Variants in STK32B observed in about 807,000 individuals in gnomAD.
The protein encoded by STK32B is serine/threonine kinase 32B.
STK32B carries 43 observed loss-of-function variants against 52.6 expected under a neutral mutation model. The observed-to-expected ratio is 0.82, with a 90% CI of 0.64 to 1.05. The LOEUF is 1.05. Among genes scored for constraint, STK32B ranks in the 50% least tolerant of loss-of-function variants. STK32B has a pLI of 0.00. For synonymous variants in STK32B, 238 were observed against 204.3 expected, an observed-to-expected ratio of 1.17 and a Z score of -1.41; for missense variants, 621 against 534.6, an observed-to-expected ratio of 1.16 and a Z score of -1.59.
At chr4:5,246,002 A>T (rs1050157330) in intron 3 of STK32B, among the ~76,000 whole-genome samples, 3 of 152,172 alleles carry the variant, frequency 2.0e-5, no homozygotes, top group African/African-American at 7.2e-5. Context: ...GGCTGCCCTT[A>T]ACACTTTTTC....
upstream of STK32B, among the ~76,000 whole-genome samples, chr4:5,049,061 C>T (rs1346919302): frequency 6.6e-6 from 1 of 152,230 alleles, no homozygotes; most frequent in Non-Finnish European, 1.5e-5. Context: ...GAACATCTCC[C>T]AGCATCTGCA....
chr4:5,137,961 C>T (rs6446325), intron 1 of STK32B, among the ~76,000 whole-genome samples: 29,771 of 152,068 alleles, frequency 0.2, 4,582 homozygotes, highest in African/African-American at 0.43. Context: ...TTTGAGGACC[C>T]GACAGTGGTA....
chr4:5,123,147 C>A (rs1392380763), intron 1 of STK32B, among the ~76,000 whole-genome samples: 1 of 152,160 alleles, frequency 6.6e-6, no homozygotes, highest in Admixed American at 6.5e-5. Context: ...CTCCCTGAGG[C>A]CTTGCTGTCC....
chr4:5,202,544 CT>C (rs1181660531), intron 3 of STK32B, among the ~76,000 whole-genome samples: 14 of 152,370 alleles, frequency 9.2e-5, no homozygotes, highest in Non-Finnish European at 2.1e-4. Context: ...CATGTTTCTT[CT>C]CTGCATTGAT....
At chr4:5,343,984 C>A (rs937358814) in intron 4 of STK32B, among the ~76,000 whole-genome samples, 7 of 152,150 alleles carry the variant, frequency 4.6e-5, no homozygotes, top group Non-Finnish European at 8.8e-5. Flanking sequence ...AGCTATGATT[C>A]ATAGGAAAAT....
At chr4:5,200,195 G>A (rs2108774648) in intron 3 of STK32B, among the ~76,000 whole-genome samples, 2 of 151,468 alleles carry the variant, frequency 1.3e-5, no homozygotes, top group Admixed American at 1.3e-4. Flanking sequence ...CTCTTAACAG[G>A]TTGAAGTATC....
At chr4:5,023,253 T>G in the STK32B span, among the ~76,000 whole-genome samples, 1 of 152,132 alleles carries the variant, frequency 6.6e-6, no homozygotes, top group Non-Finnish European at 1.5e-5. Context: ...GTCCCTCGGT[T>G]TGTGGTGATT....
intron 1 of STK32B, among the ~76,000 whole-genome samples, chr4:5,094,816 G>A (rs1239005195): frequency 3.3e-5 from 5 of 152,096 alleles, no homozygotes; most frequent in Non-Finnish European, 5.9e-5. Context: ...GGGAGTCGGC[G>A]CCCCTAACTC....
At chr4:5,097,116 G>A (rs147701449) in intron 1 of STK32B, among the ~76,000 whole-genome samples, 7 of 152,296 alleles carry the variant, frequency 4.6e-5, no homozygotes, top group East Asian at 1.9e-4. Context: ...CTTTATGAAC[G>A]TGAAAAGTTG....
intron 6 of STK32B, among the ~76,000 whole-genome samples, chr4:5,422,831 A>G (rs1487873276): frequency 4.6e-5 from 7 of 152,102 alleles, no homozygotes; most frequent in Non-Finnish European, 1.0e-4. Context: ...ATCTTTTTGG[A>G]CAGTTTTAAG....
At chr4:5,193,276 G>A (rs1721377026) in intron 3 of STK32B, among the ~76,000 whole-genome samples, 2 of 151,988 alleles carry the variant, frequency 1.3e-5, no homozygotes, top group Non-Finnish European at 1.5e-5. Context: ...CCTCTCCCTC[G>A]CCCCTCATCC....
chr4:5,417,159 C>T (rs1335559309), intron 6 of STK32B, among the ~76,000 whole-genome samples: 2 of 152,208 alleles, frequency 1.3e-5, no homozygotes, highest in African/African-American at 4.8e-5. Flanking sequence ...TAGAGAACTC[C>T]TGCTCAGCCA....
Position 5,051,736 on chromosome 4 carries a change from C to G in STK32B, c.-128C>G. The G allele has an allele frequency of 7.6e-7, 1 of 1,323,186 alleles. No homozygotes were observed. Among genetic ancestry groups the G allele is most frequent in the Non-Finnish European group, 1.0e-6 (1 of 965,714 alleles). The allele number at this position is 1,323,186 out of a possible 1,614,324, so 82.0% of individuals were successfully genotyped here. On this transcript the variant is annotated 5_prime_UTR_variant, in exon 1 of 12. Transcript: ENST00000282908. The stretch of plus-strand genomic sequence containing the variant: ...GCCCCTGCACGGTGCTCGGCCCCCT[C>G]GGGCTCCGCGCGCGGCTACAACCCG...
At chr4:5,106,396 A>AT (rs775322526) in intron 1 of STK32B, among the ~76,000 whole-genome samples, 8 of 152,024 alleles carry the variant, frequency 5.3e-5, no homozygotes, top group Admixed American at 4.6e-4. Flanking sequence ...GATGTTTAAG[A>AT]TTTTTTTTAT....
chr4:5,113,492 C>T (rs1714521164), intron 1 of STK32B, among the ~76,000 whole-genome samples: 1 of 151,856 alleles, frequency 6.6e-6, no homozygotes, highest in Admixed American at 6.6e-5. Flanking sequence ...AGAATAAGTA[C>T]TTCGTGTTAT....
At chr4:5,196,723 AAAAATAAAATAAAATAAAATAAAAT>A (rs57722522) in intron 3 of STK32B, among the ~76,000 whole-genome samples, 1 of 145,422 alleles carries the variant, frequency 6.9e-6, no homozygotes, top group African/African-American at 2.5e-5. Context: ...TCTGTCTCAA[AAAAATAAAATAAAATAAAATAAAAT>A]AAAATAAAAT....
At chr4:5,159,031 C>A (rs1718097499) in intron 2 of STK32B, among the ~76,000 whole-genome samples, 1 of 152,180 alleles carries the variant, frequency 6.6e-6, no homozygotes, top group South Asian at 2.1e-4. Flanking sequence ...ATCTCAGTGA[C>A]ATCAGCTGTA....
At chr4:5,118,744 T>C in intron 1 of STK32B, among the ~76,000 whole-genome samples, 1 of 152,306 alleles carries the variant, frequency 6.6e-6, no homozygotes, top group South Asian at 2.1e-4. Flanking sequence ...ACTGGGGATC[T>C]GGTTAACCCT....
At chr4:5,464,549 T>C (rs1436763320) in intron 9 of STK32B, among the ~76,000 whole-genome samples, 2 of 152,278 alleles carry the variant, frequency 1.3e-5, no homozygotes, top group East Asian at 1.9e-4. Context: ...TGGGTGACAA[T>C]AGAAGGCACT....
Sources: allele counts gnomAD v4.1 joint callset (sites outside exome capture counted in the v4.1 genomes callset), GRCh38; gene constraint gnomAD v4.1.1; transcripts MANE v1.5; gene names NCBI Gene and HGNC (gene_info 2026-07-23, HGNC 2026-07-21).